Variants in EXOC1L observed in about 807,000 individuals in gnomAD.
The protein encoded by EXOC1L is exocyst complex component 1-like.
In EXOC1L, 10 loss-of-function variants were observed where a neutral mutation model predicts 4.9. The ratio of observed to expected loss-of-function variants is 2.02; its 90% CI spans 1.25 to 3.43. The LOEUF is 3.43. Ranked by LOEUF, EXOC1L falls within the 30% of genes most tolerant of loss-of-function variation. EXOC1L has a pLI of 0.00. For synonymous variants in EXOC1L, 41 were observed against 20.8 expected (o/e 1.97, Z -2.63); for missense variants, 114 against 59.4 (o/e 1.92, Z -3.02).
At chr4:55,834,174 G>A (rs1044431961) in intron 2 of EXOC1L, among the ~76,000 whole-genome samples, 1 of 151,848 alleles carries the variant, frequency 6.6e-6, no homozygotes, top group Non-Finnish European at 1.5e-5. Context: ...GCAATTTTGA[G>A]CCAAAAAGTT....
intron 2 of EXOC1L, among the ~76,000 whole-genome samples, chr4:55,832,497 AG>A (rs556276009): frequency 2.1e-4 from 32 of 152,128 alleles, no homozygotes; most frequent in Admixed American, 1.6e-3. Context: ...TGAGGCAGGC[AG>A]GGCCAAGTAT....
intron 1 of EXOC1L, among the ~76,000 whole-genome samples, chr4:55,830,994 T>C (rs73238362): frequency 0.054 from 8,169 of 152,276 alleles, 323 homozygotes; most frequent in Non-Finnish European, 0.083. Context: ...GCACTGACTG[T>C]ATGCTAAGGC....
At chr4:55,826,542 G>T (rs531359865) in intron 1 of EXOC1L, among the ~76,000 whole-genome samples, 1 of 152,180 alleles carries the variant, frequency 6.6e-6, no homozygotes, top group Non-Finnish European at 1.5e-5. Flanking sequence ...ATTAAAACTG[G>T]AACAGATTAA....
chr4:55,835,395 T>C (rs1720134579), intron 2 of EXOC1L, among the ~76,000 whole-genome samples: 1 of 152,000 alleles, frequency 6.6e-6, no homozygotes, highest in Admixed American at 6.6e-5. Flanking sequence ...CTGGATCAAA[T>C]GGTAGTTCTA....
At chr4:55,824,389 G>T (rs1026290161) in intron 1 of EXOC1L, among the ~76,000 whole-genome samples, 5 of 151,680 alleles carry the variant, frequency 3.3e-5, no homozygotes, top group Admixed American at 1.3e-4. Flanking sequence ...TTGAGGCAAG[G>T]TCTCACTTTG....
chr4:55,827,159 C>T (rs1441458272), intron 1 of EXOC1L, among the ~76,000 whole-genome samples: 1 of 152,200 alleles, frequency 6.6e-6, no homozygotes, highest in Admixed American at 6.5e-5. Context: ...CTAGACCCCT[C>T]AGGAACTAGT....
intron 2 of EXOC1L, among the ~76,000 whole-genome samples, chr4:55,832,054 A>T (rs1720048956): frequency 6.6e-6 from 1 of 152,002 alleles, no homozygotes; most frequent in South Asian, 2.1e-4. Flanking sequence ...TGAGGCTTCA[A>T]ATGCCCAATT....
intron 2 of EXOC1L, 84 bp downstream of exon 2, chr4:55,831,548 C>A: frequency 6.9e-6 from 4 of 576,276 alleles, no homozygotes; most frequent in South Asian, 2.3e-5. Flanking sequence ...ATATTCTTGG[C>A]ATGTACTAAG....
At chr4:55,834,720 G>GA (rs112230955) in intron 2 of EXOC1L, among the ~76,000 whole-genome samples, 131 of 143,186 alleles carry the variant, frequency 9.1e-4, no homozygotes, top group South Asian at 2.8e-3. Flanking sequence ...ATGAGCGCCA[G>GA]AAAAAAAAAA....
At chr4:55,825,881 T>C (rs2110281572) in intron 1 of EXOC1L, among the ~76,000 whole-genome samples, 1 of 152,200 alleles carries the variant, frequency 6.6e-6, no homozygotes, top group African/African-American at 2.4e-5. Context: ...GGTCAGGAGT[T>C]TGAGACGAGC....
At chr4:55,829,106 C>T (rs1009440030) in intron 1 of EXOC1L, among the ~76,000 whole-genome samples, 5 of 152,168 alleles carry the variant, frequency 3.3e-5, no homozygotes, top group African/African-American at 1.2e-4. Context: ...TTGTTTCCAT[C>T]CAGTGCTATT....
intron 1 of EXOC1L, among the ~76,000 whole-genome samples, chr4:55,821,690 A>G (rs1439679944): frequency 6.6e-6 from 1 of 152,230 alleles, no homozygotes; most frequent in African/African-American, 2.4e-5. Context: ...TTTGGAAATA[A>G]TTCAATAATT....
At position 55,819,985 on chromosome 4, in the gene EXOC1L, T is replaced by A. The variant is rs896718136; in HGVS notation, c.-42T>A. On this transcript the variant is annotated 5_prime_UTR_variant, in exon 1 of 3. Coordinates refer to ENST00000636125, the MANE Select transcript of EXOC1L (RefSeq NM_001351574.3). The stretch of plus-strand genomic sequence containing the variant: ...TAGGGAGCAAAAGGAGAGGAAAGAG[T>A]GAGCTTGAGCCAAGACATCAGGCCA... The A allele has an allele frequency of 5.0e-6, 2 of 398,316 alleles. No individual in the cohort carries two copies. Among genetic ancestry groups the A allele is most frequent in the Non-Finnish European group, 8.9e-6 (2 of 225,942 alleles). The allele number at this position is 398,316 out of a possible 1,614,324, so 24.7% of individuals were successfully genotyped here.
In EXOC1L at chr4:55,819,804, G is replaced by C. The variant is rs1406250525; in HGVS notation, c.-223G>C. On this transcript the variant is annotated 5_prime_UTR_variant, in exon 1 of 3. Coordinates refer to ENST00000636125, the MANE Select transcript of EXOC1L (RefSeq NM_001351574.3). ...AGGCTGCTGTATTTTGGCTGCCGCC[G>C]CCGCTGCTGCCACTGGGCAGATACC... The C allele has an allele frequency of 3.1e-6, 1 of 325,078 alleles. No individual in the cohort carries two copies. The highest frequency in any genetic ancestry group is 5.5e-6 in the Non-Finnish European group (1 of 180,508). 20.1% of individuals were successfully genotyped at this position (325,078 alleles called of 1,614,324 possible). A position where few individuals can be genotyped will look rare whatever the true frequency, so the allele number is the denominator to read the frequency against.
Position 55,825,212 on chromosome 4 carries a change from G to A in EXOC1L, c.121+5065G>A, listed in dbSNP as rs77258032. On this transcript the variant is annotated intron_variant, in intron 1 of 2. Coordinates refer to ENST00000636125, the MANE Select transcript of EXOC1L (RefSeq NM_001351574.3). Reference sequence around the variant, plus strand: ...TAGATAAAATTCCTGTTTTACAGACGAGGAAACCATAGGTCACAAGAAGTT... The same window carrying A: ...TAGATAAAATTCCTGTTTTACAGACAAGGAAACCATAGGTCACAAGAAGTT... Among the ~76,000 whole-genome samples, 642 of 152,188 alleles carry A rather than the reference G, an allele frequency of 4.2e-3. 5 individuals carry two copies. Among genetic ancestry groups the A allele is most frequent in the African/African-American group, 0.015 (617 of 41,536 alleles).
chr4:55,821,681 T>C (rs957994040), intron 1 of EXOC1L, among the ~76,000 whole-genome samples: 1 of 152,210 alleles, frequency 6.6e-6, no homozygotes, highest in Non-Finnish European at 1.5e-5. Context: ...ATTTAAATGT[T>C]TGGAAATAAT....
At chr4:55,820,866 G>A (rs1051789087) in intron 1 of EXOC1L, among the ~76,000 whole-genome samples, 2 of 152,170 alleles carry the variant, frequency 1.3e-5, no homozygotes, top group African/African-American at 4.8e-5. Context: ...ACTTAATTAT[G>A]ATTTGCCTAA....
chr4:55,824,511 C>T (rs988845339), intron 1 of EXOC1L, among the ~76,000 whole-genome samples: 40 of 151,950 alleles, frequency 2.6e-4, no homozygotes, highest in African/African-American at 5.8e-4. Flanking sequence ...TACAGTCATG[C>T]GCCACTATGC....
intron 2 of EXOC1L, among the ~76,000 whole-genome samples, chr4:55,835,480 A>G (rs989247804): frequency 3.3e-5 from 5 of 152,148 alleles, no homozygotes; most frequent in African/African-American, 7.2e-5. Flanking sequence ...CCAGCAGTGT[A>G]AAAGTGTTCC....
Sources: gnomAD v4.1 joint callset for allele counts (sites outside exome capture counted in the v4.1 genomes callset) on GRCh38, gnomAD v4.1.1 for gene constraint, MANE v1.5 for transcripts, NCBI Gene and HGNC (gene_info 2026-07-23, HGNC 2026-07-21) for gene names.